SEMA6D: variants seen among roughly 807,000 people sequenced by gnomAD.
SEMA6D encodes the protein semaphorin 6D, also known as semaphorin-6D.
A neutral mutation model predicts 106.6 loss-of-function variants in SEMA6D; 35 were observed. The ratio of observed to expected loss-of-function variants is 0.33; its 90% CI spans 0.25 to 0.44. The LOEUF is 0.44. Ranked by LOEUF, SEMA6D falls within the 20% of genes least tolerant of loss-of-function variation. The pLI is 1.00. For missense variants in SEMA6D, 1,185 were observed against 1,345.9 expected, an observed-to-expected ratio of 0.88 and a Z score of 1.87; for synonymous variants, 499 against 487.7, an observed-to-expected ratio of 1.02 and a Z score of -0.31.
chr15:47,303,204 A>G (rs974589287), intron 1 of SEMA6D, among the ~76,000 whole-genome samples: 8 of 152,216 alleles, frequency 5.3e-5, no homozygotes, highest in African/African-American at 1.9e-4. Flanking sequence ...TGTTCCCCAA[A>G]AGTCTAAGAC....
chr15:47,357,029 T>A (rs1394608571), intron 1 of SEMA6D, among the ~76,000 whole-genome samples: 1 of 152,184 alleles, frequency 6.6e-6, no homozygotes, highest in South Asian at 2.1e-4. Flanking sequence ...CATGCATTAA[T>A]GCTTACATAA....
intron 3 of SEMA6D, among the ~76,000 whole-genome samples, chr15:47,566,878 G>A (rs1161944169): frequency 1.3e-5 from 2 of 151,266 alleles, no homozygotes; most frequent in Non-Finnish European, 2.9e-5. Flanking sequence ...AAGGAAGACG[G>A]AAGATGTTTT....
chr15:47,288,535 G>A (rs2035466010), intron 1 of SEMA6D, among the ~76,000 whole-genome samples: 1 of 152,178 alleles, frequency 6.6e-6, no homozygotes, highest in African/African-American at 2.4e-5. Flanking sequence ...AGTGGAGCTA[G>A]AATTGAAACC....
chr15:47,492,728 A>G (rs114480662), intron 3 of SEMA6D, among the ~76,000 whole-genome samples: 1,900 of 152,238 alleles, frequency 0.012, 37 homozygotes, highest in African/African-American at 0.044. Context: ...ATGTCTGGGT[A>G]CTAGGGGTTT....
At chr15:47,708,100 C>A (rs2078947561) in intron 4 of SEMA6D, among the ~76,000 whole-genome samples, 1 of 152,166 alleles carries the variant, frequency 6.6e-6, no homozygotes, top group Non-Finnish European at 1.5e-5. Flanking sequence ...CCTCTTGCTT[C>A]TCCAAGCTGT....
Position 47,353,906 on chromosome 15 carries a change from A to T in SEMA6D, c.-238-58487A>T, listed in dbSNP as rs551105541. 1.5e-4 allele frequency among the ~76,000 whole-genome samples: 23 copies of T among 152,240 alleles called. No individual in the cohort carries two copies. The South Asian group carries it at 4.8e-3, about 32-fold the overall frequency. On this transcript the variant is annotated intron_variant, in intron 1 of 19. Transcript: ENST00000558014. Reference sequence around the variant, plus strand: ...TTGAAAGCATTGACTTAGAGACGAGATGTGCAGGCAATTATGAAGAATATA... The same window carrying T: ...TTGAAAGCATTGACTTAGAGACGAGTTGTGCAGGCAATTATGAAGAATATA...
chr15:47,430,968 A>G (rs1272628340), intron 2 of SEMA6D, among the ~76,000 whole-genome samples: 1 of 152,186 alleles, frequency 6.6e-6, no homozygotes, highest in African/African-American at 2.4e-5. Context: ...GGCAAGTCAT[A>G]GCAGCCAGTC....
chr15:47,501,797 C>G (rs1656602), intron 3 of SEMA6D, among the ~76,000 whole-genome samples: 118,657 of 152,042 alleles, frequency 0.78, 47,366 homozygotes, highest in African/African-American at 0.94. Context: ...TGTCCATAAA[C>G]CCCAAAATAG....
At chr15:47,692,008 C>G (rs988079435) in intron 4 of SEMA6D, among the ~76,000 whole-genome samples, 1 of 152,092 alleles carries the variant, frequency 6.6e-6, no homozygotes, top group Non-Finnish European at 1.5e-5. Context: ...ATGCAAAGAG[C>G]AAGAGGAAAA....
intron 1 of SEMA6D, among the ~76,000 whole-genome samples, chr15:47,390,368 T>G (rs2039984631): frequency 6.6e-6 from 1 of 152,146 alleles, no homozygotes; most frequent in African/African-American, 2.4e-5. Context: ...GAGCCCAAAC[T>G]AAAGGGTTAG....
intron 1 of SEMA6D, among the ~76,000 whole-genome samples, chr15:47,209,901 C>A (rs566222160): frequency 7.0e-4 from 106 of 152,212 alleles, no homozygotes; most frequent in Non-Finnish European, 1.3e-3. Context: ...CCTATCAAGC[C>A]CTTAAAGTGG....
chr15:47,460,436 C>G (rs989746395), intron 2 of SEMA6D, among the ~76,000 whole-genome samples: 2 of 151,992 alleles, frequency 1.3e-5, no homozygotes, highest in Non-Finnish European at 2.9e-5. Context: ...TTGCTGATGA[C>G]CAAATCTTAC....
At chr15:47,256,716 G>A (rs867448134) in intron 1 of SEMA6D, among the ~76,000 whole-genome samples, 3 of 151,878 alleles carry the variant, frequency 2.0e-5, no homozygotes, top group Admixed American at 6.6e-5. Flanking sequence ...AAAATTAGCC[G>A]GGCTTGGTGG....
At chr15:47,435,121 A>T (rs1358574572) in intron 2 of SEMA6D, among the ~76,000 whole-genome samples, 1 of 152,144 alleles carries the variant, frequency 6.6e-6, no homozygotes, top group Non-Finnish European at 1.5e-5. Flanking sequence ...ACTATATTTT[A>T]ACTTATTCTT....
At chr15:47,236,583 A>G (rs1484438591) in intron 1 of SEMA6D, among the ~76,000 whole-genome samples, 1 of 152,166 alleles carries the variant, frequency 6.6e-6, no homozygotes, top group Admixed American at 6.6e-5. Flanking sequence ...ACCTTCTAAC[A>G]TAAAGGATGA....
In SEMA6D at chr15:47,770,478, T is replaced by C; in HGVS notation, c.1934-19T>C. On this transcript the variant is annotated intron_variant, in intron 18 of 18. Transcript: ENST00000536845. ...TTTAAAAAGCACCTTATTCACATTG[T>C]CCCATGTGTCTATTTCAGGTGTACG... 10 of 1,553,464 alleles carry C rather than the reference T, an allele frequency of 6.4e-6. No individual in the cohort carries two copies. The highest frequency in any genetic ancestry group is 8.7e-6 in the Non-Finnish European group (10 of 1,145,962).
Position 47,505,264 on chromosome 15 carries a change from T to C in SEMA6D, c.-87+34719T>C, listed in dbSNP as rs149989053. ...TTGCAGCTCTGCCAGCAGTAAGCTG[T>C]ATGGCCTTCATCAGGTCTCCCAGCA... On this transcript the variant is annotated intron_variant, in intron 3 of 19. Coordinates refer to the SEMA6D transcript ENST00000558014. 5.6e-3 allele frequency among the ~76,000 whole-genome samples: 848 copies of C among 152,296 alleles called. 6 individuals are homozygous for C. The highest frequency in any genetic ancestry group is 0.015 in the Admixed American group (229 of 15,302).
At chr15:47,263,142 G>T (rs191016960) in intron 1 of SEMA6D, among the ~76,000 whole-genome samples, 1 of 152,214 alleles carries the variant, frequency 6.6e-6, no homozygotes, top group East Asian at 1.9e-4. Flanking sequence ...GATTGGCAAA[G>T]ATTTTATGAT....
intron 1 of SEMA6D, among the ~76,000 whole-genome samples, chr15:47,275,527 G>T (rs2034763729): frequency 6.6e-6 from 1 of 151,956 alleles, no homozygotes; most frequent in Admixed American, 6.6e-5. Flanking sequence ...ATTTGTTTTG[G>T]TGATCTGTAA....
Sources: allele counts gnomAD v4.1 joint callset (sites outside exome capture counted in the v4.1 genomes callset), GRCh38; gene constraint gnomAD v4.1.1; transcripts MANE v1.5; gene names NCBI Gene and HGNC (gene_info 2026-07-23, HGNC 2026-07-21).